ZFPM2: variants seen among roughly 807,000 people sequenced by gnomAD.
ZFPM2 encodes zinc finger protein, FOG family member 2.
ZFPM2 carries 20 observed loss-of-function variants against 98.6 expected under a neutral mutation model. That is an observed-to-expected ratio of 0.20 (90% confidence interval 0.14 to 0.29). The LOEUF is 0.29. Ranked by LOEUF, ZFPM2 falls within the 10% of genes least tolerant of loss-of-function variation. The pLI, the probability that ZFPM2 is intolerant of heterozygous loss-of-function variation, is 1.00. For synonymous variants in ZFPM2, 518 were observed against 502.7 expected (o/e 1.03, Z -0.41); for missense variants, 1,310 against 1,388.6 (o/e 0.94, Z 0.90).
chr8:105,561,126 T>A (rs150438719), intron 3 of ZFPM2, among the ~76,000 whole-genome samples: 1 of 152,162 alleles, frequency 6.6e-6, no homozygotes, highest in Non-Finnish European at 1.5e-5. Context: ...TTGGCTTCAG[T>A]AGATGATGCA....
chr8:105,452,717 A>G lies in ZFPM2; in HGVS notation c.301+8336A>G, dbSNP rs761909621. Among the ~76,000 whole-genome samples the G allele has an allele frequency of 8.4e-4, 128 of 152,140 alleles. 1 individual carries two copies. Among genetic ancestry groups the G allele is most frequent in the Non-Finnish European group, 1.1e-3 (74 of 68,030 alleles). ...TAGTTAGCTGTGATCCTGCTACTGC[A>G]CTCCAGCCTGAGCAACAGAATGAGA... On this transcript the variant is annotated intron_variant, in intron 3 of 7. Coordinates refer to ENST00000407775, the MANE Select transcript of ZFPM2 (RefSeq NM_012082.4).
At chr8:105,800,811 A>C (rs1057125711) in intron 7 of ZFPM2, among the ~76,000 whole-genome samples, 1 of 152,164 alleles carries the variant, frequency 6.6e-6, no homozygotes, top group Non-Finnish European at 1.5e-5. Context: ...AGACACTGAC[A>C]CTTATTCCAC....
At chr8:105,368,334 G>A (rs1810549609) in intron 1 of ZFPM2, among the ~76,000 whole-genome samples, 1 of 152,050 alleles carries the variant, frequency 6.6e-6, no homozygotes, top group Non-Finnish European at 1.5e-5. Flanking sequence ...CTTTTAAGGA[G>A]ATAAGTAATA....
At chr8:105,767,308 A>G (rs531236137) in intron 5 of ZFPM2, among the ~76,000 whole-genome samples, 2 of 152,072 alleles carry the variant, frequency 1.3e-5, no homozygotes, top group South Asian at 4.1e-4. Flanking sequence ...AACTACAAAA[A>G]TATTGCTTTT....
intron 5 of ZFPM2, among the ~76,000 whole-genome samples, chr8:105,698,021 T>C (rs1217970134): frequency 6.6e-6 from 1 of 152,214 alleles, no homozygotes; most frequent in Non-Finnish European, 1.5e-5. Flanking sequence ...TTTTGATATA[T>C]TGTAATATGT....
intron 6 of ZFPM2, chr8:105,795,841 G>A (rs1476319326): frequency 2.1e-6 from 1 of 473,828 alleles, no homozygotes; most frequent in Non-Finnish European, 4.2e-6. Flanking sequence ...CTAGCTCTAT[G>A]AAAACACATG....
chr8:105,600,539 G>A (rs1213505992), intron 4 of ZFPM2, among the ~76,000 whole-genome samples: 3 of 151,690 alleles, frequency 2.0e-5, no homozygotes, highest in African/African-American at 7.3e-5. Flanking sequence ...TAAGGTTTTT[G>A]TTTCATGAAT....
intron 1 of ZFPM2, among the ~76,000 whole-genome samples, chr8:105,350,999 A>G (rs973530456): frequency 3.3e-5 from 5 of 152,000 alleles, no homozygotes; most frequent in Admixed American, 6.6e-5. Flanking sequence ...CCTGGCCAAC[A>G]TGGTGAAACC....
chr8:105,549,874 A>G (rs1290048317), intron 3 of ZFPM2, among the ~76,000 whole-genome samples: 1 of 151,898 alleles, frequency 6.6e-6, no homozygotes, highest in Admixed American at 6.6e-5. Context: ...TTGGCCTCCC[A>G]AAGCACTGGG....
At chr8:105,610,028 G>A (rs900689518) in intron 4 of ZFPM2, among the ~76,000 whole-genome samples, 8 of 152,132 alleles carry the variant, frequency 5.3e-5, no homozygotes, top group African/African-American at 1.9e-4. Flanking sequence ...AGGATAACCA[G>A]AGCATAACTA....
intron 3 of ZFPM2, among the ~76,000 whole-genome samples, chr8:105,499,173 G>GT (rs1255077941): frequency 6.6e-6 from 1 of 151,518 alleles, no homozygotes; most frequent in Non-Finnish European, 1.5e-5. Context: ...TGCTGCACAG[G>GT]TAGGTACCAC....
At chr8:105,410,053 G>A (rs940993962) in intron 1 of ZFPM2, among the ~76,000 whole-genome samples, 4 of 151,842 alleles carry the variant, frequency 2.6e-5, no homozygotes, top group African/African-American at 9.7e-5. Context: ...TAATAGGGCA[G>A]AATCAGAATG....
intron 5 of ZFPM2, among the ~76,000 whole-genome samples, chr8:105,652,177 G>A (rs1817192445): frequency 1.3e-5 from 2 of 151,152 alleles, no homozygotes; most frequent in Admixed American, 6.6e-5. Context: ...AATAGTAACA[G>A]TGTCTGTTTC....
Position 105,709,167 on chromosome 8 carries a change from A to G in ZFPM2, c.532+74810A>G, listed in dbSNP as rs550960542. Among the ~76,000 whole-genome samples the G allele has an allele frequency of 2.0e-5, 3 of 152,280 alleles. No homozygotes were observed. In the South Asian group the frequency reaches 6.2e-4, roughly 32 times the overall value. On this transcript the variant is annotated intron_variant, in intron 5 of 7. Coordinates refer to ENST00000407775, the MANE Select transcript of ZFPM2 (RefSeq NM_012082.4). ...AGAAAGGGAGAAAAGGGATTCCTGG[A>G]GTATTATTCCTAAGGAGACATGACT... is the stretch of plus-strand genomic sequence containing the variant.
chr8:105,711,877 T>G (rs1408719723), intron 5 of ZFPM2, among the ~76,000 whole-genome samples: 1 of 152,072 alleles, frequency 6.6e-6, no homozygotes, highest in Non-Finnish European at 1.5e-5. Context: ...AAATCAAAAC[T>G]TTTATTATGA....
chr8:105,532,489 A>G (rs1563702878), intron 3 of ZFPM2, among the ~76,000 whole-genome samples: 2 of 152,218 alleles, frequency 1.3e-5, no homozygotes, highest in Non-Finnish European at 2.9e-5. Context: ...CTCTACAGCC[A>G]TAAGACATGA....
intron 3 of ZFPM2, among the ~76,000 whole-genome samples, chr8:105,493,269 GCAGC>G (rs1813392787): frequency 6.6e-6 from 1 of 152,150 alleles, no homozygotes; most frequent in Non-Finnish European, 1.5e-5. Context: ...GTGTAACTTA[GCAGC>G]TGTCTGTGAA....
intron 1 of ZFPM2, among the ~76,000 whole-genome samples, chr8:105,401,691 A>G (rs1378307996): frequency 1.3e-5 from 2 of 152,134 alleles, no homozygotes; most frequent in Non-Finnish European, 1.5e-5. Context: ...GGAAGCTAGT[A>G]TTTGAACCCC....
chr8:105,394,055 G>T (rs1303825472), intron 1 of ZFPM2, among the ~76,000 whole-genome samples: 2 of 151,810 alleles, frequency 1.3e-5, no homozygotes, highest in African/African-American at 4.8e-5. Flanking sequence ...CACCATGCCC[G>T]GCTAATTTTT....
Sources: allele counts gnomAD v4.1 joint callset (sites outside exome capture counted in the v4.1 genomes callset), GRCh38; gene constraint gnomAD v4.1.1; transcripts MANE v1.5; gene names NCBI Gene and HGNC (gene_info 2026-07-23, HGNC 2026-07-21).